The following GALNT13 variants were observed in gnomAD, a reference collection of about 807,000 sequenced individuals.
GALNT13 encodes UDP-GalNAc:polypeptide N-acetylgalactosaminyltransferase 13.
GALNT13 carries 28 observed loss-of-function variants against 64.2 expected under a neutral mutation model. The observed-to-expected ratio is 0.44, with a 90% confidence interval of 0.32 to 0.60. The LOEUF (loss-of-function observed/expected upper bound fraction) is 0.60, where lower values mean the gene tolerates loss of function less well. GALNT13 is among the 20% of genes least tolerant of loss of function. The pLI is 0.05. For missense variants in GALNT13, 577 were observed against 669.8 expected (o/e 0.86, Z 1.53); for synonymous variants, 214 against 224.6 (o/e 0.95, Z 0.42).
chr2:153,206,709 T>C, the GALNT13 span, among the ~76,000 whole-genome samples: 2 of 152,100 alleles, frequency 1.3e-5, no homozygotes, highest in Admixed American at 6.5e-5. Context: ...ATTCATACTT[T>C]CAAGTGTTGG....
chr2:153,729,370 G>A, the GALNT13 span, among the ~76,000 whole-genome samples: 16 of 151,992 alleles, frequency 1.1e-4, no homozygotes, highest in South Asian at 3.3e-3. Flanking sequence ...AATGCTATAC[G>A]TTAACAAACA....
chr2:154,427,743 G>C (rs1038081705), intron 11 of GALNT13, among the ~76,000 whole-genome samples: 2 of 152,124 alleles, frequency 1.3e-5, no homozygotes, highest in African/African-American at 4.8e-5. Context: ...TGTACAGCTA[G>C]ATGCTACTTA....
At chr2:154,376,679 A>G (rs13005832) in intron 9 of GALNT13, among the ~76,000 whole-genome samples, 17,406 of 152,154 alleles carry the variant, frequency 0.11, 1,056 homozygotes, top group Non-Finnish European at 0.14. Flanking sequence ...ACTTTTAACT[A>G]TGAGAATATT....
chr2:154,114,827 G>T (rs1158994483), intron 3 of GALNT13, among the ~76,000 whole-genome samples: 1 of 152,194 alleles, frequency 6.6e-6, no homozygotes, highest in Admixed American at 6.5e-5. Flanking sequence ...CTCTACACAA[G>T]TCAGAGTATT....
chr2:154,012,413 G>C (rs926464021), intron 3 of GALNT13, among the ~76,000 whole-genome samples: 1 of 152,106 alleles, frequency 6.6e-6, no homozygotes, highest in Non-Finnish European at 1.5e-5. Flanking sequence ...TTTCTGGTTT[G>C]AAGGGTTTCT....
At chr2:154,111,210 GT>G (rs1189627189) in intron 3 of GALNT13, among the ~76,000 whole-genome samples, 8 of 152,104 alleles carry the variant, frequency 5.3e-5, no homozygotes, top group South Asian at 2.1e-4. Context: ...GCAGGTCATG[GT>G]TTTTTTCCTG....
intron 4 of GALNT13, among the ~76,000 whole-genome samples, chr2:154,192,584 A>G (rs1573848639): frequency 1.3e-5 from 2 of 152,348 alleles, no homozygotes; most frequent in East Asian, 3.9e-4. Flanking sequence ...GCAAACAAAC[A>G]TGGTGTAAAA....
chr2:153,260,637 G>A, the GALNT13 span, among the ~76,000 whole-genome samples: 4 of 151,928 alleles, frequency 2.6e-5, no homozygotes, highest in Non-Finnish European at 5.9e-5. Context: ...TTTTATCCTC[G>A]ACCTTTGGGA....
the GALNT13 span, among the ~76,000 whole-genome samples, chr2:153,748,729 T>C: frequency 1.3e-5 from 2 of 152,162 alleles, no homozygotes; most frequent in African/African-American, 2.4e-5. Flanking sequence ...GAGTTGTCTC[T>C]TCACTTTGTT....
the GALNT13 span, among the ~76,000 whole-genome samples, chr2:153,345,302 T>C: frequency 5.3e-5 from 8 of 152,194 alleles, no homozygotes; most frequent in African/African-American, 1.9e-4. Context: ...ATGTTGAGTT[T>C]GCCTGTAGAG....
intron 3 of GALNT13, among the ~76,000 whole-genome samples, chr2:154,109,881 T>C (rs1702836255): frequency 6.6e-6 from 1 of 152,124 alleles, no homozygotes; most frequent in Non-Finnish European, 1.5e-5. Flanking sequence ...GTTTTGATGA[T>C]TATTTTTGCA....
chr2:153,301,309 CAAAAAAAAA>C, the GALNT13 span, among the ~76,000 whole-genome samples: 1 of 76,432 alleles, frequency 1.3e-5, no homozygotes, highest in African/African-American at 6.7e-5. Flanking sequence ...GACTCCTTCT[CAAAAAAAAA>C]GAAAAAAAAA....
chr2:153,451,769 A>G, the GALNT13 span, among the ~76,000 whole-genome samples: 1 of 152,306 alleles, frequency 6.6e-6, no homozygotes, highest in African/African-American at 2.4e-5. Context: ...CAGTGTCAGA[A>G]TGACTGCTGC....
chr2:153,709,538 G>C, the GALNT13 span, among the ~76,000 whole-genome samples: 2 of 151,966 alleles, frequency 1.3e-5, no homozygotes, highest in Non-Finnish European at 2.9e-5. Flanking sequence ...GTACACTGTT[G>C]GTGGGGATTA....
chr2:153,177,288 A>G, the GALNT13 span, among the ~76,000 whole-genome samples: 1 of 152,124 alleles, frequency 6.6e-6, no homozygotes, highest in Non-Finnish European at 1.5e-5. Flanking sequence ...TTCTGACAAT[A>G]ACTACTAAAG....
At chr2:153,271,579 A>G in the GALNT13 span, among the ~76,000 whole-genome samples, 1 of 152,234 alleles carries the variant, frequency 6.6e-6, no homozygotes, top group South Asian at 2.1e-4. Flanking sequence ...GGACCTCTTC[A>G]AGGAGAACTA....
chr2:153,298,528 T>C, the GALNT13 span, among the ~76,000 whole-genome samples: 1 of 152,228 alleles, frequency 6.6e-6, no homozygotes, highest in East Asian at 1.9e-4. Context: ...GATTAATGAA[T>C]AATTGTTATA....
intron 4 of GALNT13, among the ~76,000 whole-genome samples, chr2:154,183,238 T>C (rs550623434): frequency 3.3e-5 from 5 of 152,320 alleles, no homozygotes; most frequent in African/African-American, 4.8e-5. Flanking sequence ...TATTTCTTCC[T>C]AGTTCAGTCT....
At chr2:153,079,391 T>C in the GALNT13 span, among the ~76,000 whole-genome samples, 1 of 152,198 alleles carries the variant, frequency 6.6e-6, no homozygotes, top group South Asian at 2.1e-4. Context: ...TACAATACAA[T>C]TTATAAAGCA....
Sources: gnomAD v4.1 joint callset for allele counts (sites outside exome capture counted in the v4.1 genomes callset) on GRCh38, gnomAD v4.1.1 for gene constraint, MANE v1.5 for transcripts, NCBI Gene and HGNC (gene_info 2026-07-23, HGNC 2026-07-21) for gene names.